Variants in HDAC9 observed in about 807,000 individuals in gnomAD.
The protein encoded by HDAC9 is MEF-2 interacting transcription repressor (MITR) protein.
A neutral mutation model predicts 139.4 loss-of-function variants in HDAC9; 41 were observed. The observed-to-expected ratio is 0.29, with a 90% CI of 0.23 to 0.38. The LOEUF is 0.38. Ranked by LOEUF, HDAC9 falls within the 10% of genes least tolerant of loss-of-function variation. HDAC9 has a pLI of 1.00. For synonymous variants in HDAC9, 517 were observed against 476.2 expected (o/e 1.09, Z -1.12); for missense variants, 1,147 against 1,297.0 (o/e 0.88, Z 1.78).
At position 18,980,249 on chromosome 7, in the gene HDAC9, A is replaced by C. The variant is rs924852702; in HGVS notation, c.3170+4296A>C. Among the ~76,000 whole-genome samples, 6 of 152,220 alleles carry C rather than the reference A, an allele frequency of 3.9e-5. No individual in the cohort carries two copies. In the East Asian group the frequency reaches 1.2e-3, roughly 29 times the overall value. ...TGCCCAGTTATGTATTTTGGGGTTC[A>C]GTTCTGTATTATTTACAAAACAGTG... On this transcript the variant is annotated intron_variant, in intron 25 of 25. Transcript: ENST00000686413.
At chr7:18,356,320 G>A (rs1031695649) in intron 1 of HDAC9, among the ~76,000 whole-genome samples, 2 of 128,764 alleles carry the variant, frequency 1.6e-5, no homozygotes, top group Non-Finnish European at 3.2e-5. Flanking sequence ...AATAGGTGGC[G>A]CCATTATTCT....
intron 1 of HDAC9, among the ~76,000 whole-genome samples, chr7:18,338,725 T>C (rs1278346090): frequency 6.6e-6 from 1 of 151,538 alleles, no homozygotes; most frequent in African/African-American, 2.4e-5. Context: ...AATTTTCTTT[T>C]CTTGTAATGT....
chr7:18,127,484 C>G (rs1784741776), intron 1 of HDAC9, among the ~76,000 whole-genome samples: 1 of 151,978 alleles, frequency 6.6e-6, no homozygotes, highest in Admixed American at 6.6e-5. Flanking sequence ...CTTATTAACC[C>G]CATTCTTTGC....
At chr7:18,114,369 C>T (rs1783827855) in intron 1 of HDAC9, among the ~76,000 whole-genome samples, 3 of 152,170 alleles carry the variant, frequency 2.0e-5, no homozygotes, top group Admixed American at 1.3e-4. Context: ...TATTGGGAGA[C>T]AGCAAAGGAG....
intron 1 of HDAC9, chr7:18,428,957 C>T (rs1790378182): frequency 6.6e-6 from 1 of 152,236 alleles, no homozygotes; most frequent in Non-Finnish European, 1.5e-5. Flanking sequence ...AGCTCCTCGC[C>T]TCACGTCTTC....
At chr7:18,410,085 G>C (rs1345398010) in intron 1 of HDAC9, among the ~76,000 whole-genome samples, 1 of 151,856 alleles carries the variant, frequency 6.6e-6, no homozygotes, top group Non-Finnish European at 1.5e-5. Context: ...AGCACTTTTG[G>C]AACACTAGAT....
chr7:18,310,118 A>C (rs1027623167), intron 1 of HDAC9, among the ~76,000 whole-genome samples: 4 of 135,092 alleles, frequency 3.0e-5, no homozygotes, highest in African/African-American at 1.1e-4. Flanking sequence ...GAGACTTTCA[A>C]GCTATCCCAA....
intron 6 of HDAC9, among the ~76,000 whole-genome samples, chr7:18,604,024 T>C (rs1459977979): frequency 2.0e-5 from 3 of 152,122 alleles, no homozygotes; most frequent in African/African-American, 7.2e-5. Flanking sequence ...TTTTTCTTTT[T>C]TTCTATGGTT....
chr7:18,442,972 G>A (rs1376061228), intron 1 of HDAC9, among the ~76,000 whole-genome samples: 1 of 152,194 alleles, frequency 6.6e-6, no homozygotes, highest in Non-Finnish European at 1.5e-5. Flanking sequence ...GCTGATAGCT[G>A]ATTGACTCCT....
At position 18,652,870 on chromosome 7, in the gene HDAC9, G is replaced by A. The variant is rs188913687; in HGVS notation, c.1467+4187G>A. ...ATACTGTGTGCAGACACAGTTTTAA[G>A]CACTAAGAAAACAACCTTCAGTGTC... On this transcript the variant is annotated intron_variant, in intron 11 of 25. Transcript: ENST00000686413. Among the ~76,000 whole-genome samples the A allele has an allele frequency of 2.1e-3, 313 of 152,172 alleles. 1 individual carries two copies. Among genetic ancestry groups the A allele is most frequent in the Non-Finnish European group, 3.1e-3 (212 of 67,994 alleles).
At position 18,622,598 on chromosome 7, in the gene HDAC9, G is replaced by A. The variant is rs533160010; in HGVS notation, c.665-6752G>A. On this transcript the variant is annotated intron_variant, in intron 6 of 25. Transcript: ENST00000686413. Reference sequence around the variant, plus strand: ...TGGCCTCCCAGAGTGCTGGGATTACGGGTGTGAGCCACCGTGCCCGGCCTA... The same window carrying A: ...TGGCCTCCCAGAGTGCTGGGATTACAGGTGTGAGCCACCGTGCCCGGCCTA... 3.9e-4 allele frequency among the ~76,000 whole-genome samples: 59 copies of A among 151,758 alleles called. 1 individual carries two copies. The highest frequency in any genetic ancestry group is 2.8e-3 in the Admixed American group (43 of 15,244).
At chr7:18,741,180 T>C (rs1787414273) in intron 13 of HDAC9, among the ~76,000 whole-genome samples, 1 of 152,206 alleles carries the variant, frequency 6.6e-6, no homozygotes, top group Admixed American at 6.5e-5. Flanking sequence ...ACAAATTTCG[T>C]TGTAGATGAA....
intron 1 of HDAC9, among the ~76,000 whole-genome samples, chr7:18,477,423 G>C (rs1795201248): frequency 1.3e-5 from 2 of 152,092 alleles, no homozygotes; most frequent in South Asian, 2.1e-4. Flanking sequence ...GTGTGTGTGT[G>C]TGAAACAAAT....
intron 1 of HDAC9, among the ~76,000 whole-genome samples, chr7:18,468,328 A>G (rs1794462646): frequency 6.6e-6 from 1 of 152,202 alleles, no homozygotes; most frequent in South Asian, 2.1e-4. Context: ...CCACTTACTT[A>G]GATCAGTGTG....
At chr7:18,615,970 G>A (rs1838467914) in intron 6 of HDAC9, among the ~76,000 whole-genome samples, 1 of 152,050 alleles carries the variant, frequency 6.6e-6, no homozygotes, top group Non-Finnish European at 1.5e-5. Context: ...TCTTTTCTGG[G>A]GACTCTGGGA....
chr7:18,522,828 A>G (rs781022982), intron 2 of HDAC9, among the ~76,000 whole-genome samples: 20 of 152,304 alleles, frequency 1.3e-4, no homozygotes, highest in Non-Finnish European at 2.5e-4. Flanking sequence ...TCCTCTTTGT[A>G]GGTGGTAAAA....
intron 17 of HDAC9, among the ~76,000 whole-genome samples, chr7:18,822,219 T>C (rs1432011142): frequency 6.6e-6 from 1 of 152,152 alleles, no homozygotes; most frequent in Non-Finnish European, 1.5e-5. Context: ...TATTGTTGGT[T>C]CCTCTGGAAA....
In HDAC9 at chr7:18,277,342, T is replaced by G. The variant is rs559158854; in HGVS notation, c.25+114993T>G. 2.6e-4 allele frequency among the ~76,000 whole-genome samples: 40 copies of G among 152,224 alleles called. No individual in the cohort carries two copies. In the South Asian group the frequency reaches 8.3e-3, roughly 32 times the overall value. On this transcript the variant is annotated intron_variant, in intron 2 of 12. Transcript: ENST00000417496. The stretch of plus-strand genomic sequence containing the variant: ...GGCAACTGATCCATGTCTTAAAAAG[T>G]GCATGTGCCTTTACCAGCAAAAAGG...
At chr7:18,354,893 G>A (rs978329623) in intron 1 of HDAC9, among the ~76,000 whole-genome samples, 38 of 152,264 alleles carry the variant, frequency 2.5e-4, no homozygotes, top group African/African-American at 7.7e-4. Flanking sequence ...TCTGAGACCA[G>A]TGTTTGCATT....
Sources: allele counts gnomAD v4.1 joint callset (sites outside exome capture counted in the v4.1 genomes callset), GRCh38; gene constraint gnomAD v4.1.1; transcripts MANE v1.5; gene names NCBI Gene and HGNC (gene_info 2026-07-23, HGNC 2026-07-21).